The following C16orf74 variants were observed in gnomAD, a reference collection of about 807,000 sequenced individuals.
The protein encoded by C16orf74 is calcimembrin.
A neutral mutation model predicts 6.5 loss-of-function variants in C16orf74; 10 were observed. The ratio of observed to expected loss-of-function variants is 1.54; its 90% confidence interval spans 0.95 to 2.61. C16orf74 has a LOEUF of 2.61. Ranked by LOEUF, C16orf74 falls within the 30% of genes most tolerant of loss-of-function variation. C16orf74 has a pLI of 0.00. For synonymous variants in C16orf74, 60 were observed against 42.5 expected, an observed-to-expected ratio of 1.41 and a Z score of -1.60; for missense variants, 141 against 105.9, an observed-to-expected ratio of 1.33 and a Z score of -1.45.
chr16:85,745,864 T>C (rs1466702611), intron 1 of C16orf74, among the ~76,000 whole-genome samples: 1 of 152,246 alleles, frequency 6.6e-6, no homozygotes, highest in Non-Finnish European at 1.5e-5. Context: ...CGTTTGCCGA[T>C]TCCCTTCAGT....
intron 1 of C16orf74, among the ~76,000 whole-genome samples, chr16:85,743,849 C>T (rs1293521957): frequency 7.9e-5 from 12 of 152,056 alleles, no homozygotes; most frequent in African/African-American, 1.4e-4. Flanking sequence ...ATCAGGAGAT[C>T]GAGACAATCC....
At position 85,730,772 on chromosome 16, in the gene C16orf74, G is replaced by C. The variant is rs528189984; in HGVS notation, c.28+4418C>G. Reference sequence around the variant, plus strand: ...GCCCAGCCAAGTAACTCCCAGACCAGACAACTTAAACCCCATAGATCAGCC... The same window carrying C: ...GCCCAGCCAAGTAACTCCCAGACCACACAACTTAAACCCCATAGATCAGCC... On this transcript the variant is annotated intron_variant, in intron 2 of 3. Coordinates refer to ENST00000284245, the MANE Select transcript of C16orf74 (RefSeq NM_206967.3). Among the ~76,000 whole-genome samples the C allele has an allele frequency of 4.7e-5, 7 of 150,432 alleles. No homozygotes were observed. In the South Asian group the frequency reaches 1.3e-3, roughly 27 times the overall value.
intron 2 of C16orf74, among the ~76,000 whole-genome samples, chr16:85,714,699 T>A (rs185405233): frequency 0.026 from 3,953 of 149,876 alleles, 192 homozygotes; most frequent in African/African-American, 0.092. Context: ...ATTACAGGCA[T>A]GAGCCACCGT....
At chr16:85,711,814 G>C (rs992245450) in intron 2 of C16orf74, among the ~76,000 whole-genome samples, 1 of 152,056 alleles carries the variant, frequency 6.6e-6, no homozygotes, top group Non-Finnish European at 1.5e-5. Flanking sequence ...AAGGGGTTGG[G>C]GGAATATTTT....
At position 85,735,249 on chromosome 16, in the gene C16orf74, A is replaced by G; in HGVS notation, c.-18-14T>C. ...ACCTCTGCAGGCCTGTGGAGAGAGG[A>G]CAGCGCTGAGAGAGGGGAGGGCGCG... On this transcript the variant is annotated splice_polypyrimidine_tract_variant and intron_variant, in intron 1 of 3. Transcript: ENST00000284245. 6.4e-7 allele frequency: 1 copy of G among 1,556,964 alleles called. No individual in the cohort carries two copies. Among genetic ancestry groups the G allele is most frequent in the Non-Finnish European group, 8.7e-7 (1 of 1,152,460 alleles).
intron 2 of C16orf74, among the ~76,000 whole-genome samples, chr16:85,719,121 T>A (rs1047635675): frequency 6.6e-6 from 1 of 152,240 alleles, no homozygotes; most frequent in Non-Finnish European, 1.5e-5. Flanking sequence ...AGCCAGCTTA[T>A]GTCACCCTCC....
At position 85,710,096 on chromosome 16, in the gene C16orf74, C is replaced by A. The variant is rs892119163; in HGVS notation, c.172+68G>T. ...CTAGGCCCCGTGGCCAGGAAGGACG[C>A]CCCTGAGAGCTGTCTCCACCGGGCC... is the stretch of plus-strand genomic sequence containing the variant. On this transcript the variant is annotated intron_variant, in intron 3 of 3. Coordinates refer to ENST00000284245, the MANE Select transcript of C16orf74 (RefSeq NM_206967.3). The A allele has an allele frequency of 9.1e-6, 12 of 1,315,070 alleles. No individual in the cohort carries two copies. The South Asian group carries it at 1.9e-4, about 20-fold the overall frequency. 81.5% of individuals were successfully genotyped at this position (1,315,070 alleles called of 1,614,324 possible).
At chr16:85,722,193 C>A (rs2054089814) in intron 2 of C16orf74, among the ~76,000 whole-genome samples, 1 of 151,926 alleles carries the variant, frequency 6.6e-6, no homozygotes. Context: ...TAGATAATAA[C>A]CTGTATACTG....
At position 85,707,809 on chromosome 16, in the gene C16orf74, G is replaced by A. The variant is rs551675319; in HGVS notation, c.*199C>T. The A allele has an allele frequency of 4.7e-4, 273 of 586,896 alleles. No individual in the cohort carries two copies. The highest frequency in any genetic ancestry group is 7.6e-4 in the Non-Finnish European group (252 of 329,652). 36.4% of individuals were successfully genotyped at this position (586,896 alleles called of 1,614,324 possible). A position where few individuals can be genotyped will look rare whatever the true frequency, so the allele number is the denominator to read the frequency against. The stretch of plus-strand genomic sequence containing the variant: ...GTGTCAGAGGTCCGGTCCACTCAGC[G>A]GGGCCTGGGAAACACTGTTCTGGAA... On this transcript the variant is annotated 3_prime_UTR_variant, in exon 4 of 4. Coordinates refer to ENST00000284245, the MANE Select transcript of C16orf74 (RefSeq NM_206967.3).
intron 2 of C16orf74, among the ~76,000 whole-genome samples, chr16:85,722,379 A>G (rs1199915977): frequency 6.6e-6 from 1 of 152,214 alleles, no homozygotes; most frequent in African/African-American, 2.4e-5. Context: ...AACTGGGAGT[A>G]TCCCAGGGGA....
chr16:85,734,762 C>G (rs553098352), intron 2 of C16orf74, among the ~76,000 whole-genome samples: 4 of 152,316 alleles, frequency 2.6e-5, no homozygotes, highest in African/African-American at 9.6e-5. Context: ...GTTTTGTGTC[C>G]TTCTAGAACT....
chr16:85,736,593 A>C (rs1478444487), intron 1 of C16orf74, among the ~76,000 whole-genome samples: 1 of 151,896 alleles, frequency 6.6e-6, no homozygotes, highest in Admixed American at 6.6e-5. Context: ...AGAGATACTG[A>C]TGGGAACAGG....
chr16:85,744,829 C>CA (rs11436332), intron 1 of C16orf74, among the ~76,000 whole-genome samples: 25,201 of 58,286 alleles, frequency 0.43, 4,463 homozygotes, highest in East Asian at 0.62. Flanking sequence ...GACTCCATCT[C>CA]AAAAAAAAAA....
intron 2 of C16orf74, among the ~76,000 whole-genome samples, chr16:85,732,164 G>C (rs962963183): frequency 6.6e-6 from 1 of 152,224 alleles, no homozygotes; most frequent in Non-Finnish European, 1.5e-5. Flanking sequence ...GGTGCCACCA[G>C]GAGCTTGGCA....
intron 1 of C16orf74, among the ~76,000 whole-genome samples, chr16:85,750,043 G>A (rs1048214454): frequency 5.9e-5 from 9 of 152,204 alleles, no homozygotes; most frequent in Non-Finnish European, 1.2e-4. Context: ...AGCGTTGGAT[G>A]GGTGGGGTCT....
At chr16:85,710,371 C>T (rs1018608551) in intron 2 of C16orf74, 64 bp from the exon 3 acceptor site, 22 of 1,411,548 alleles carry the variant, frequency 1.6e-5, no homozygotes, top group South Asian at 1.4e-4. Flanking sequence ...CATCAGTGGC[C>T]GCCGGGAACC....
intron 2 of C16orf74, among the ~76,000 whole-genome samples, chr16:85,734,070 T>G (rs1439004149): frequency 6.6e-6 from 1 of 152,218 alleles, no homozygotes; most frequent in African/African-American, 2.4e-5. Context: ...ACTTTTCCTG[T>G]GGGCTCCCCT....
chr16:85,720,899 C>T (rs416287), intron 2 of C16orf74, among the ~76,000 whole-genome samples: 45,416 of 150,860 alleles, frequency 0.3, 7,224 homozygotes, highest in Middle Eastern at 0.4. Context: ...ACCAGCCTGG[C>T]CAACATGGTG....
chr16:85,743,303 A>G (rs962568510), intron 1 of C16orf74: 3 of 152,222 alleles, frequency 2.0e-5, no homozygotes, highest in African/African-American at 4.8e-5. Flanking sequence ...CATCATCGTC[A>G]TGACAATATC....
Sources: allele counts gnomAD v4.1 joint callset (sites outside exome capture counted in the v4.1 genomes callset), GRCh38; gene constraint gnomAD v4.1.1; transcripts MANE v1.5; gene names NCBI Gene and HGNC (gene_info 2026-07-23, HGNC 2026-07-21).